Variants in ADAM11 observed in about 807,000 individuals in gnomAD.
The protein encoded by ADAM11 is ADAM metallopeptidase domain 11.
ADAM11 carries 49 observed loss-of-function variants against 119.1 expected under a neutral mutation model. The observed-to-expected ratio is 0.41, with a 90% CI of 0.33 to 0.52. ADAM11 has a LOEUF of 0.52. ADAM11 is among the 20% of genes least tolerant of loss of function. The pLI is 0.20. For synonymous variants in ADAM11, 364 were observed against 408.0 expected (o/e 0.89, Z 1.30); for missense variants, 777 against 1,047.5 (o/e 0.74, Z 3.56).
At position 44,774,479 on chromosome 17, in the gene ADAM11, TCCCCA is replaced by T; in HGVS notation, c.1078-8_1078-4del. 3 of 1,611,892 alleles carry T rather than the reference TCCCCA, an allele frequency of 1.9e-6. No homozygotes were observed. The South Asian group carries it at 3.3e-5, about 18-fold the overall frequency. Reference sequence around the variant, plus strand: ...AGATGTAGACATCTGTGCCCCATCTTCCCCACCCCCAGTACGGCAACATGGGGGCG... The same window carrying T: ...AGATGTAGACATCTGTGCCCCATCTTCCCCCAGTACGGCAACATGGGGGCG... On this transcript the variant is annotated splice_polypyrimidine_tract_variant and splice_region_variant and intron_variant, in intron 12 of 26. Transcript: ENST00000200557.
Position 44,776,214 on chromosome 17 carries a change from C to T in ADAM11, c.1566+7C>T, listed in dbSNP as rs766451886. ...CACCGGGGACTCTAGCCAGGTCCGC[C>T]CGGCCCCGCCGTCTTGTGGAGCCCT... is the stretch of plus-strand genomic sequence containing the variant. On this transcript the variant is annotated splice_region_variant and intron_variant, in intron 18 of 26. Coordinates refer to ENST00000200557, the MANE Select transcript of ADAM11 (RefSeq NM_002390.6). This position sits in a 1 kb window ranked among gnomAD's most constrained non-coding sequence, Gnocchi z 5.2. The T allele has an allele frequency of 1.2e-6, 2 of 1,613,236 alleles. No individual in the cohort carries two copies. The highest frequency in any genetic ancestry group is 1.7e-6 in the Non-Finnish European group (2 of 1,179,870).
chr17:44,769,699 C>CGGGGGGGGGGGG lies in ADAM11; in HGVS notation c.238-19_238-18insGGGGGGGGGGGG. On this transcript the variant is annotated intron_variant, in intron 2 of 26. Transcript: ENST00000200557. The stretch of plus-strand genomic sequence containing the variant: ...AGGCCTCCCTGGGTTGACTCCCCCT[C>CGGGGGGGGGGGG]TGCCCTCCCCCCACCCAGCCTGTCC... 6.4e-7 allele frequency: 1 copy of CGGGGGGGGGGGG among 1,574,628 alleles called. No individual in the cohort carries two copies. Among genetic ancestry groups the CGGGGGGGGGGGG allele is most frequent in the Non-Finnish European group, 8.7e-7 (1 of 1,145,158 alleles).
Position 44,777,823 on chromosome 17 carries a change from G to A in ADAM11, c.2030G>A (p.Cys677Tyr). 1 of 1,613,784 alleles carries A rather than the reference G, an allele frequency of 6.2e-7. No homozygotes were observed. Among genetic ancestry groups the A allele is most frequent in the Non-Finnish European group, 8.5e-7 (1 of 1,179,988 alleles). The stretch of plus-strand genomic sequence containing the variant: ...GCTTCTGCCTTCAACTTCAGCACCT[G>A]CCCCGGCAGTGGGGAGCGCCGGATT... ...LPASAFNFST[C>Y]PGSGERRICS... Residue 677 changes from cysteine to tyrosine, a missense_variant, in exon 23 of 27, where the codon TGC (cysteine) becomes TAC (tyrosine). Around this residue, in one of 4 missense-constraint regions of ADAM11, gnomAD observed 348 missense variants for 486.7 expected, o/e 0.72. Transcript: ENST00000200557. The surrounding 1 kb of genome is among the most constrained non-coding windows in gnomAD (Gnocchi z 5.1).
In ADAM11 at chr17:44,772,772, A is replaced by G. The variant is rs994840377; in HGVS notation, c.679-85A>G. 8.2e-7 allele frequency: 1 copy of G among 1,223,702 alleles called. No individual in the cohort carries two copies. The highest frequency in any genetic ancestry group is 1.3e-5 in the South Asian group (1 of 75,326). 75.8% of individuals were successfully genotyped at this position (1,223,702 alleles called of 1,614,324 possible). A position where few individuals can be genotyped will look rare whatever the true frequency, so the allele number is the denominator to read the frequency against. On this transcript the variant is annotated intron_variant, in intron 8 of 26. Coordinates refer to ENST00000200557, the MANE Select transcript of ADAM11 (RefSeq NM_002390.6). The surrounding 1 kb of genome is among the most constrained non-coding windows in gnomAD (Gnocchi z 4.5). The stretch of plus-strand genomic sequence containing the variant: ...CCCTGGCTGGAGTCCAGACCCCCCC[A>G]TCCCCACCGAGTCTGTTCCTGGCTT...
intron 2 of ADAM11, among the ~76,000 whole-genome samples, chr17:44,765,610 C>CTTTTTTTTTTTTTT (rs748123040): frequency 2.3e-3 from 226 of 99,882 alleles, no homozygotes; most frequent in East Asian, 3.7e-3. Flanking sequence ...TTTCTTTTCT[C>CTTTTTTTTTTTTTT]TTTTTTTTTT....
At chr17:44,770,726 T>C (rs880295) in intron 4 of ADAM11, among the ~76,000 whole-genome samples, 49,341 of 151,952 alleles carry the variant, frequency 0.32, 9,320 homozygotes, top group African/African-American at 0.52. Flanking sequence ...TGAGGTAATA[T>C]ATGGTTAGTG....
Position 44,775,364 on chromosome 17 carries a change from C to G in ADAM11, c.1321-30C>G, listed in dbSNP as rs748190551. The stretch of plus-strand genomic sequence containing the variant: ...GAGCGGGCCCTGGGCGGGGTCCGGG[C>G]CAGACTCCCGACCTGTCCTCCCGGT... On this transcript the variant is annotated intron_variant, in intron 15 of 26. Coordinates refer to ENST00000200557, the MANE Select transcript of ADAM11 (RefSeq NM_002390.6). The surrounding 1 kb of genome is among the most constrained non-coding windows in gnomAD (Gnocchi z 7.5). 6.8e-6 allele frequency: 11 copies of G among 1,613,008 alleles called. No homozygotes were observed. The highest frequency in any genetic ancestry group is 1.7e-5 in the Admixed American group (1 of 60,006).
chr17:44,780,240 A>C lies in ADAM11; in HGVS notation c.*486A>C. On this transcript the variant is annotated 3_prime_UTR_variant, in exon 27 of 27. Coordinates refer to ENST00000200557, the MANE Select transcript of ADAM11 (RefSeq NM_002390.6). ...ATGTAAACTCGGGGGTGCTGGGGCC[A>C]GGGCAGATGTGGGGATGTTTTGACA... The C allele has an allele frequency of 2.3e-6, 1 of 437,974 alleles. No individual in the cohort carries two copies. The highest frequency in any genetic ancestry group is 4.5e-6 in the Non-Finnish European group (1 of 223,602). The allele number at this position is 437,974 out of a possible 1,614,324, so 27.1% of individuals were successfully genotyped here.
rs1224122497 is a variant in ADAM11, at chr17:44,775,416, G to A, written c.1343G>A (p.Gly448Glu). 1 of 1,611,780 alleles carries A rather than the reference G, an allele frequency of 6.2e-7. No homozygotes were observed. Among genetic ancestry groups the A allele is most frequent in the South Asian group, 1.1e-5 (1 of 91,058 alleles). The change falls in exon 16 of 27, where the codon GGG becomes GAG. Residue 448 changes from glycine to glutamate, a missense_variant. Transcript: ENST00000200557. The surrounding 1 kb of genome is among the most constrained non-coding windows in gnomAD (Gnocchi z 7.5). ...CAGCTCCTGGACCCCCCAGAGTGCG[G>A]GAACGGCTTCGTGGAGGCAGGGGAG... ...PLKLLDPPEC[G>E]NGFVEAGEEC... is the part of the protein sequence containing the mutation.
chr17:44,762,199 T>C (rs1275396118), intron 2 of ADAM11, among the ~76,000 whole-genome samples: 1 of 152,082 alleles, frequency 6.6e-6, no homozygotes, highest in Non-Finnish European at 1.5e-5. Flanking sequence ...TTGCCCAAAG[T>C]CAATCAGATC....
intron 26 of ADAM11, 79 bp from the exon 27 acceptor site, chr17:44,779,660 T>G: frequency 6.5e-7 from 1 of 1,540,350 alleles, no homozygotes; most frequent in African/African-American, 1.4e-5. Context: ...GGCCCAGCAC[T>G]GAGCTCCGGG....
intron 14 of ADAM11, among the ~76,000 whole-genome samples, chr17:44,774,987 G>A (rs894298779): frequency 3.9e-5 from 6 of 152,224 alleles, no homozygotes; most frequent in African/African-American, 1.4e-4. Flanking sequence ...CCCAAGCCTC[G>A]CATGGAGACA....
rs763484133 is a variant in ADAM11, at chr17:44,769,736, G to C, written c.256G>C (p.Val86Leu). 2 of 1,613,970 alleles carry C rather than the reference G, an allele frequency of 1.2e-6. No homozygotes were observed. Among genetic ancestry groups the C allele is most frequent in the South Asian group, 1.1e-5 (1 of 91,082 alleles). ...PGGPPVHLAQ[V>L]SFVIPAFNSN... ...CACCCAGCCTGTCCATCTGGCCCAG[G>C]TGAGTTTCGTCATCCCAGCCTTCAA... Residue 86 changes from valine to leucine, a missense_variant, in exon 3 of 27, where the codon GTG becomes CTG. By Grantham distance (32) the Val-to-Leu change is conservative. Around this residue, in one of 4 missense-constraint regions of ADAM11, gnomAD observed 278 missense variants for 310.1 expected, o/e 0.90. Coordinates refer to ENST00000200557, the MANE Select transcript of ADAM11 (RefSeq NM_002390.6).
chr17:44,775,574 C>T lies in ADAM11; in HGVS notation c.1393-10C>T, dbSNP rs1291512682. ...CGCCCGCCTCCTTCCCCTCCTCCCG[C>T]GTCCCTCAGGAGTGCAGCCGCGCAG... On this transcript the variant is annotated splice_polypyrimidine_tract_variant and intron_variant, in intron 16 of 26. Coordinates refer to ENST00000200557, the MANE Select transcript of ADAM11 (RefSeq NM_002390.6). This position sits in a 1 kb window ranked among gnomAD's most constrained non-coding sequence, Gnocchi z 7.5. The T allele has an allele frequency of 6.4e-7, 1 of 1,565,498 alleles. No homozygotes were observed. The highest frequency in any genetic ancestry group is 8.6e-7 in the Non-Finnish European group (1 of 1,157,444).
At chr17:44,761,099 G>A (rs1567686413) in intron 2 of ADAM11, among the ~76,000 whole-genome samples, 2 of 152,180 alleles carry the variant, frequency 1.3e-5, no homozygotes, top group East Asian at 1.9e-4. Flanking sequence ...TCCTAGGGCC[G>A]GGGATGGGGT....
At chr17:44,763,383 C>T (rs927988163) in intron 2 of ADAM11, among the ~76,000 whole-genome samples, 6 of 152,212 alleles carry the variant, frequency 3.9e-5, no homozygotes, top group South Asian at 2.1e-4. Flanking sequence ...TCACCCAGCA[C>T]GCTGCCACCT....
At chr17:44,771,981 C>A in intron 6 of ADAM11, 150 bp downstream of exon 6, 1 of 924,288 alleles carries the variant, frequency 1.1e-6, no homozygotes, top group Non-Finnish European at 1.6e-6. Context: ...CTGGTTCCCT[C>A]CCTCCTGTGC....
chr17:44,774,385 C>A lies in ADAM11; in HGVS notation c.1077+6C>A. On this transcript the variant is annotated splice_donor_region_variant and intron_variant, in intron 12 of 26. Coordinates refer to ENST00000200557, the MANE Select transcript of ADAM11 (RefSeq NM_002390.6). ...ACGGCGGGGGTGTGAACGAGGTGAG[C>A]AGTGGGGGGACATGGCTGGGGTGGC... 6.6e-7 allele frequency: 1 copy of A among 1,504,300 alleles called. No individual in the cohort carries two copies. The highest frequency in any genetic ancestry group is 8.9e-7 in the Non-Finnish European group (1 of 1,118,586). 93.2% of individuals were successfully genotyped at this position (1,504,300 alleles called of 1,614,324 possible).
Position 44,772,182 on chromosome 17 carries a change from A to T in ADAM11, c.544-85A>T. 7.8e-7 allele frequency: 1 copy of T among 1,285,692 alleles called. No individual in the cohort carries two copies. Among genetic ancestry groups the T allele is most frequent in the South Asian group, 1.3e-5 (1 of 75,050 alleles). 79.6% of individuals were successfully genotyped at this position (1,285,692 alleles called of 1,614,324 possible). On this transcript the variant is annotated intron_variant, in intron 6 of 26. Coordinates refer to ENST00000200557, the MANE Select transcript of ADAM11 (RefSeq NM_002390.6). The surrounding 1 kb of genome is among the most constrained non-coding windows in gnomAD (Gnocchi z 4.5). ...TCTGGGTCACCCCAGGGTGGGGTGG[A>T]GGCGAGGGCTGGATCTGGCCCCCGC...
Sources: gnomAD v4.1 joint callset for allele counts (sites outside exome capture counted in the v4.1 genomes callset) on GRCh38, gnomAD v4.1.1 for gene constraint, gnomAD v4.1.1 regional missense constraint, Gnocchi (gnomAD v3.1) non-coding constraint, MANE v1.5 for transcripts, NCBI Gene and HGNC (gene_info 2026-07-23, HGNC 2026-07-21) for gene names.